Variants in STMN2 observed in about 807,000 individuals in gnomAD.
The protein encoded by STMN2 is stathmin-2.
In STMN2, 2 loss-of-function variants were observed where a neutral mutation model predicts 24.1. That is an observed-to-expected ratio of 0.08 (90% CI 0.03 to 0.26). The LOEUF (loss-of-function observed/expected upper bound fraction) is 0.26. STMN2 is among the 10% of genes least tolerant of loss of function. STMN2 has a pLI of 1.00. For missense variants in STMN2, 114 were observed against 213.6 expected (o/e 0.53, Z 2.91); for synonymous variants, 83 against 77.5 (o/e 1.07, Z -0.37).
chr8:79,647,750 G>T (rs1332779754), intron 3 of STMN2, among the ~76,000 whole-genome samples: 2 of 152,128 alleles, frequency 1.3e-5, no homozygotes, highest in African/African-American at 2.4e-5. Flanking sequence ...TTTGATTATC[G>T]CTGGTAGTCA....
chr8:79,634,510 A>T (rs993116254), intron 1 of STMN2, among the ~76,000 whole-genome samples: 2 of 152,236 alleles, frequency 1.3e-5, no homozygotes, highest in African/African-American at 4.8e-5. Context: ...GTTGAATCAT[A>T]GGCAAATGAT....
In STMN2 at chr8:79,647,420, G is replaced by A. The variant is rs1018176808; in HGVS notation, c.288+5870G>A. Among the ~76,000 whole-genome samples the A allele has an allele frequency of 2.6e-5, 4 of 152,214 alleles. No homozygotes were observed. In the East Asian group the frequency reaches 7.7e-4, roughly 29 times the overall value. ...TCCCCCTACCCTTAATACCTTGAAGGCCTCTTTGTGGGACTTCAGGGACCC... is the reference window on the plus strand; with the variant it reads ...TCCCCCTACCCTTAATACCTTGAAGACCTCTTTGTGGGACTTCAGGGACCC... On this transcript the variant is annotated intron_variant, in intron 3 of 4. Coordinates refer to ENST00000220876, the MANE Select transcript of STMN2 (RefSeq NM_007029.4).
intron 1 of STMN2, 116 bp from the exon 2 acceptor site, chr8:79,636,686 G>A (rs1809967618): frequency 1.4e-5 from 13 of 898,100 alleles, no homozygotes; most frequent in Non-Finnish European, 3.4e-6. Flanking sequence ...ATGCAAAGGA[G>A]TCTACCTGGC....
chr8:79,660,932 GA>G (rs5892686), intron 4 of STMN2, among the ~76,000 whole-genome samples: 47,970 of 151,978 alleles, frequency 0.32, 9,520 homozygotes, highest in Non-Finnish European at 0.45. Flanking sequence ...ACTTCACTTA[GA>G]ATAATGGCCT....
chr8:79,636,120 G>C (rs923577637), intron 1 of STMN2, among the ~76,000 whole-genome samples: 6 of 152,254 alleles, frequency 3.9e-5, no homozygotes, highest in South Asian at 4.1e-4. Context: ...GGGAGGCTGA[G>C]GGGGGAACAT....
Position 79,664,949 on chromosome 8 carries a change from G to A in STMN2, c.*75G>A. 1 of 1,338,592 alleles carries A rather than the reference G, an allele frequency of 7.5e-7. No individual in the cohort carries two copies. The highest frequency in any genetic ancestry group is 1.5e-5 in the South Asian group (1 of 67,006). 82.9% of individuals were successfully genotyped at this position (1,338,592 alleles called of 1,614,324 possible). On this transcript the variant is annotated 3_prime_UTR_variant, in exon 5 of 5. Coordinates refer to ENST00000220876, the MANE Select transcript of STMN2 (RefSeq NM_007029.4). ...TATTATAATGGATCATGCGATATCA[G>A]GATGGGGAATGTATGACATGGTTTA...
chr8:79,618,512 T>C (rs1378685889), intron 1 of STMN2, among the ~76,000 whole-genome samples: 2 of 152,226 alleles, frequency 1.3e-5, no homozygotes, highest in Non-Finnish European at 2.9e-5. Flanking sequence ...ACATTCACAT[T>C]TAATATAACT....
chr8:79,625,596 A>G (rs1809632556), intron 1 of STMN2, among the ~76,000 whole-genome samples: 1 of 152,338 alleles, frequency 6.6e-6, no homozygotes, highest in East Asian at 1.9e-4. Flanking sequence ...AGGGAGAATT[A>G]TAAGAAATAA....
chr8:79,620,583 A>G (rs1191702157), intron 1 of STMN2, among the ~76,000 whole-genome samples: 2 of 152,214 alleles, frequency 1.3e-5, no homozygotes, highest in Non-Finnish European at 2.9e-5. Flanking sequence ...AATAATGGTA[A>G]TTTATAACTA....
chr8:79,619,238 G>A (rs181451627), intron 1 of STMN2, among the ~76,000 whole-genome samples: 1 of 152,084 alleles, frequency 6.6e-6, no homozygotes, highest in Non-Finnish European at 1.5e-5. Flanking sequence ...CCATCTTTTA[G>A]TTGTATGTCT....
intron 3 of STMN2, among the ~76,000 whole-genome samples, chr8:79,652,367 G>A (rs1299793395): frequency 2.6e-5 from 4 of 152,134 alleles, no homozygotes; most frequent in Admixed American, 1.3e-4. Flanking sequence ...GTGCAAAGCT[G>A]TCTCCTCTTA....
At chr8:79,659,474 G>A (rs1806452672) in intron 4 of STMN2, among the ~76,000 whole-genome samples, 1 of 152,180 alleles carries the variant, frequency 6.6e-6, no homozygotes, top group Admixed American at 6.6e-5. Context: ...CTCCCCTGAT[G>A]TGTCCCTTTC....
At chr8:79,622,909 A>G (rs1293006048) in intron 1 of STMN2, among the ~76,000 whole-genome samples, 2 of 152,066 alleles carry the variant, frequency 1.3e-5, no homozygotes, top group African/African-American at 4.8e-5. Flanking sequence ...CATCTTATCA[A>G]TCCATCAGTT....
intron 1 of STMN2, chr8:79,611,614 A>T: frequency 4.4e-6 from 1 of 228,530 alleles, no homozygotes; most frequent in Non-Finnish European, 7.7e-6. Flanking sequence ...AGAAGAAAAT[A>T]GGAAAGGGGT....
At chr8:79,659,902 A>G (rs979376982) in intron 4 of STMN2, among the ~76,000 whole-genome samples, 3 of 152,116 alleles carry the variant, frequency 2.0e-5, no homozygotes, top group Admixed American at 6.6e-5. Flanking sequence ...CAACTTTTCC[A>G]TAGCTTTTAT....
intron 1 of STMN2, among the ~76,000 whole-genome samples, chr8:79,623,896 AG>A (rs2130311869): frequency 6.6e-6 from 1 of 152,332 alleles, no homozygotes; most frequent in African/African-American, 2.4e-5. Context: ...TTTTTAAAAA[AG>A]GTTTTGTGTC....
At chr8:79,628,792 G>A (rs1381667293) in intron 1 of STMN2, among the ~76,000 whole-genome samples, 1 of 152,100 alleles carries the variant, frequency 6.6e-6, no homozygotes, top group East Asian at 1.9e-4. Context: ...AGAAAAAATG[G>A]AAAATTTATC....
intron 1 of STMN2, among the ~76,000 whole-genome samples, chr8:79,613,267 T>C (rs903545204): frequency 6.7e-6 from 1 of 149,464 alleles, no homozygotes; most frequent in Admixed American, 6.6e-5. Flanking sequence ...GCCCCACCCC[T>C]CCCAGCTGAG....
intron 1 of STMN2, among the ~76,000 whole-genome samples, chr8:79,630,189 T>C (rs1015501674): frequency 6.6e-6 from 1 of 152,194 alleles, no homozygotes; most frequent in African/African-American, 2.4e-5. Flanking sequence ...ATTAAATCTG[T>C]ATTCTCAGTC....
Sources: allele counts gnomAD v4.1 joint callset (sites outside exome capture counted in the v4.1 genomes callset), GRCh38; gene constraint gnomAD v4.1.1; transcripts MANE v1.5; gene names NCBI Gene and HGNC (gene_info 2026-07-23, HGNC 2026-07-21).